Variants in CRLF2 observed in about 807,000 individuals in gnomAD.
The protein encoded by CRLF2 is cytokine receptor like factor 2, also known as cytokine receptor-like factor 2.
Under a neutral mutation model 38.7 loss-of-function variants are expected in CRLF2, and 41 were observed. That is an observed-to-expected ratio of 1.06 (90% confidence interval 0.83 to 1.37). CRLF2 has a LOEUF of 1.37. Ranked by LOEUF, CRLF2 falls within the 40% of genes most tolerant of loss-of-function variation. The pLI is 0.00. For synonymous variants in CRLF2, 140 were observed against 128.8 expected, an observed-to-expected ratio of 1.09 and a Z score of -0.59; for missense variants, 377 against 322.2, an observed-to-expected ratio of 1.17 and a Z score of -1.30.
intron 4 of CRLF2, 83 bp downstream of exon 4, chrX:1,202,319 G>T: frequency 1.3e-6 from 2 of 1,521,556 alleles, no homozygotes; most frequent in East Asian, 2.3e-5. Flanking sequence ...GGGGAGCGAG[G>T]TCTGATGAAA....
chrX:1,198,978 G>A (rs748613228), intron 4 of CRLF2: 57 of 537,708 alleles, frequency 1.1e-4, no homozygotes, highest in Middle Eastern at 5.3e-4. Flanking sequence ...GAGAAACCCC[G>A]TCTCTACTGA....
Position 1,198,649 on chromosome X carries a change from C to T in CRLF2, c.559G>A (p.Val187Met), listed in dbSNP as rs372901077. ...CCATATACATCCTCCATAGCCTTCA[C>T]CCTGACCCAGAAAGAGTAACACTTC... is the stretch of plus-strand genomic sequence containing the variant. ...AEKCYSFWVRVKAMEDVYGPD... is the reference protein window; with the variant it reads ...AEKCYSFWVRMKAMEDVYGPD... Residue 187 changes from valine to methionine, a missense_variant, in exon 5 of 8, where the codon GTG (valine) becomes ATG (methionine). By Grantham distance (21) the Val-to-Met change is conservative (BLOSUM62 1). Transcript: ENST00000400841. 2.9e-5 allele frequency: 46 copies of T among 1,613,526 alleles called. No individual in the cohort carries two copies. The highest frequency in any genetic ancestry group is 3.6e-5 in the Non-Finnish European group (42 of 1,179,702).
chrX:1,211,725 A>G (rs1405799221), intron 1 of CRLF2, among the ~76,000 whole-genome samples: 1 of 79,758 alleles, frequency 1.3e-5, no homozygotes, highest in Non-Finnish European at 2.4e-5. Context: ...GGATGGGTGG[A>G]TGGATGGATG....
rs1486257929 is a variant in CRLF2, at chrX:1,212,611, C to T, written c.24G>A (p.Trp8Ter). The T allele has an allele frequency of 4.3e-6, 7 of 1,612,602 alleles. No homozygotes were observed. Among genetic ancestry groups the T allele is most frequent in the Non-Finnish European group, 5.9e-6 (7 of 1,179,260 alleles). Residue 8 changes from tryptophan (W) to a stop codon, truncating the protein, a stop_gained, in exon 1 of 8, where the codon TGG becomes TGA. Transcript: ENST00000400841. LOFTEE classifies it high-confidence loss of function. MGRLVLL[W>*]GAAVFLLGGW... ...CTCCCAGCAGAAAGACGGCAGCTCC[C>T]CACAGCAGAACCAGCCGCCCCATGC...
chrX:1,207,105 C>A (rs1376751908), intron 2 of CRLF2, among the ~76,000 whole-genome samples: 1 of 151,046 alleles, frequency 6.6e-6, no homozygotes, highest in Admixed American at 6.6e-5. Context: ...ACCACCACCC[C>A]CAGCTAATTT....
chrX:1,212,486 T>C, intron 1 of CRLF2, 70 bp downstream of exon 1: 1 of 859,226 alleles, frequency 1.2e-6, no homozygotes. Flanking sequence ...TTTTACAAAA[T>C]AAAGAGTGCC....
At chrX:1,204,096 A>AAAAAAAAAAAAAAAAAG (rs370190016) in intron 3 of CRLF2, among the ~76,000 whole-genome samples, 4 of 133,442 alleles carry the variant, frequency 3.0e-5, no homozygotes, top group African/African-American at 1.1e-4. Flanking sequence ...TCTCAAAAAA[A>AAAAAAAAAAAAAAAAAG]AGAGAGAACA....
At chrX:1,208,680 A>G (rs1328466952) in intron 2 of CRLF2, 126 bp downstream of exon 2, 3 of 680,172 alleles carry the variant, frequency 4.4e-6, no homozygotes, top group Non-Finnish European at 8.0e-6. Context: ...TTCACAGAAC[A>G]AACATTCCGG....
At position 1,208,076 on chromosome X, in the gene CRLF2, C is replaced by T. The variant is rs187132749; in HGVS notation, c.182+730G>A. On this transcript the variant is annotated intron_variant, in intron 2 of 7. Coordinates refer to ENST00000400841, the MANE Select transcript of CRLF2 (RefSeq NM_022148.4). ...CGTACGCATACTTCTGGGTGTCTAA[C>T]TAAGCCAAAGTAAAAATAAAAATAA... Among the ~76,000 whole-genome samples the T allele has an allele frequency of 1.4e-4, 21 of 152,246 alleles. No homozygotes were observed. In the East Asian group the frequency reaches 3.9e-3, roughly 28 times the overall value.
chrX:1,191,655 C>A (rs2086382872), intron 7 of CRLF2, among the ~76,000 whole-genome samples: 3 of 151,544 alleles, frequency 2.0e-5, no homozygotes, highest in African/African-American at 7.3e-5. Context: ...CCTCAGCCTC[C>A]TGAGTAGCTG....
In CRLF2 at chrX:1,191,092, G is replaced by T. The variant is rs1263125476; in HGVS notation, c.921C>A (p.Gly307=). ...ACTGGACTACCAGGGGCTCCTCGGGGCCACTTTCTTGCTCTGCACCTGCCA... is the reference window on the plus strand; with the variant it reads ...ACTGGACTACCAGGGGCTCCTCGGGTCCACTTTCTTGCTCTGCACCTGCCA... ...HKMAGAEQES[G]PEEPLVVQLA... Residue 307 remains glycine (G), a synonymous_variant, in exon 8 of 8, where the codon GGC becomes GGA. Transcript: ENST00000400841. 2 of 398,476 alleles carry T rather than the reference G, an allele frequency of 5.0e-6. No homozygotes were observed. Among genetic ancestry groups the T allele is most frequent in the Non-Finnish European group, 8.8e-6 (2 of 226,122 alleles). 24.7% of individuals were successfully genotyped at this position (398,476 alleles called of 1,614,324 possible).
chrX:1,192,720 CT>C lies in CRLF2; in HGVS notation c.852+497del, dbSNP rs1368542517. Among the ~76,000 whole-genome samples the C allele has an allele frequency of 1.2e-4, 6 of 51,766 alleles. No homozygotes were observed. In the South Asian group the frequency reaches 1.8e-3, roughly 15 times the overall value. 34.0% of individuals were successfully genotyped at this position (51,766 alleles called of 152,430 possible). A position where few individuals can be genotyped will look rare whatever the true frequency, so the allele number is the denominator to read the frequency against. On this transcript the variant is annotated intron_variant, in intron 7 of 7. Coordinates refer to ENST00000400841, the MANE Select transcript of CRLF2 (RefSeq NM_022148.4). ...TTCTTTTCTTTTCTTTTCTTTCTTT[CT>C]TTCTTTCTTTCTTTCTTTCTTTCTT...
chrX:1,200,967 T>C (rs1368603983), intron 4 of CRLF2, among the ~76,000 whole-genome samples: 1 of 151,954 alleles, frequency 6.6e-6, no homozygotes, highest in African/African-American at 2.4e-5. Flanking sequence ...ATTATGAGAA[T>C]ATTCTAGAGT....
At chrX:1,211,964 ATGGG>A (rs1332430999) in intron 1 of CRLF2, among the ~76,000 whole-genome samples, 3 of 141,702 alleles carry the variant, frequency 2.1e-5, no homozygotes, top group African/African-American at 7.9e-5. Context: ...TGGATGATAG[ATGGG>A]TGGATGGGAG....
intron 3 of CRLF2, among the ~76,000 whole-genome samples, chrX:1,205,853 T>C (rs545766192): frequency 6.6e-6 from 1 of 151,662 alleles, no homozygotes; most frequent in African/African-American, 2.4e-5. Context: ...TCAGTACTTA[T>C]GGTAATAAGC....
chrX:1,191,295 C>CTCTTTCTTTTTCTTTCTT, intron 7 of CRLF2, 135 bp from the exon 8 acceptor site: 1 of 318,846 alleles, frequency 3.1e-6, no homozygotes, highest in Admixed American at 6.4e-5. Flanking sequence ...CTTTTCTTTT[C>CTCTTTCTTTTTCTTTCTT]TCTTTCTTTC....
At chrX:1,204,150 C>CTGTGTG (rs782552615) in intron 3 of CRLF2, among the ~76,000 whole-genome samples, 1,444 of 124,750 alleles carry the variant, frequency 0.012, 73 homozygotes, top group Admixed American at 0.091. Flanking sequence ...CCAGCTCACT[C>CTGTGTG]TGTGTGTGTG....
rs764709061 is a variant in CRLF2 at position 1,206,109 on chromosome X, A to G, written c.349+324T>C. ...AAAAGCGTGCTGAGCTTGCTTTTCA[A>G]TTATTACGGTAATCATGGATCCGAC... On this transcript the variant is annotated intron_variant, in intron 3 of 7. Coordinates refer to ENST00000400841, the MANE Select transcript of CRLF2 (RefSeq NM_022148.4). 5.9e-5 allele frequency among the ~76,000 whole-genome samples: 9 copies of G among 152,176 alleles called. No individual in the cohort carries two copies. In the South Asian group the frequency reaches 1.7e-3, roughly 28 times the overall value.
At chrX:1,200,571 C>CTA (rs2086585775) in intron 4 of CRLF2, among the ~76,000 whole-genome samples, 1 of 106,074 alleles carries the variant, frequency 9.4e-6, no homozygotes, top group Non-Finnish European at 2.1e-5. Context: ...TGTATATAAG[C>CTA]TGTGTGTGTG....
Sources: gnomAD v4.1 joint callset for allele counts (sites outside exome capture counted in the v4.1 genomes callset) on GRCh38, gnomAD v4.1.1 for gene constraint, MANE v1.5 for transcripts, NCBI Gene and HGNC (gene_info 2026-07-23, HGNC 2026-07-21) for gene names.